Variants in NPHP4 observed in about 807,000 individuals in gnomAD.
NPHP4 encodes the protein nephrocystin-4.
In NPHP4, 151 loss-of-function variants were observed where a neutral mutation model predicts 155.8. The observed-to-expected ratio is 0.97, with a 90% CI of 0.85 to 1.11. The LOEUF (loss-of-function observed/expected upper bound fraction) is 1.11, where lower values mean the gene tolerates loss of function less well. Ranked by LOEUF, NPHP4 falls within the 50% of genes least tolerant of loss-of-function variation. The probability of loss-of-function intolerance (pLI) is 0.00; values close to 1 mark genes in which losing one functional copy is unlikely to be tolerated. For missense variants in NPHP4, 1,956 were observed against 1,925.7 expected (o/e 1.02, Z -0.29); for synonymous variants, 845 against 816.8 (o/e 1.03, Z -0.59).
chr1:5,975,925 G>A (rs556297650), intron 3 of NPHP4, among the ~76,000 whole-genome samples: 14 of 152,158 alleles, frequency 9.2e-5, no homozygotes, highest in South Asian at 2.1e-4. Context: ...GGAAGCCCCC[G>A]CTTCTGGCCT....
intron 26 of NPHP4, chr1:5,866,072 A>C: frequency 2.3e-6 from 1 of 444,108 alleles, no homozygotes; most frequent in African/African-American, 2.0e-5. Flanking sequence ...AGAAAAAGGT[A>C]ATGAGGGGCT....
chr1:5,912,453 G>T (rs1331398256), intron 11 of NPHP4, among the ~76,000 whole-genome samples: 1 of 151,502 alleles, frequency 6.6e-6, no homozygotes, highest in Non-Finnish European at 1.5e-5. Flanking sequence ...CAGGAGAATG[G>T]CGTGAACCCG....
intron 16 of NPHP4, among the ~76,000 whole-genome samples, chr1:5,900,630 T>C (rs1216921010): frequency 2.0e-5 from 3 of 152,216 alleles, no homozygotes; most frequent in African/African-American, 7.2e-5. Flanking sequence ...GGATCCATGA[T>C]GTCATGTATT....
At chr1:5,872,734 T>A (rs1642131455) in intron 23 of NPHP4, among the ~76,000 whole-genome samples, 1 of 152,226 alleles carries the variant, frequency 6.6e-6, no homozygotes, top group Non-Finnish European at 1.5e-5. Context: ...AAAAGGCATG[T>A]TTCTACCGAA....
At chr1:5,868,742 C>A (rs998823698) in intron 23 of NPHP4, among the ~76,000 whole-genome samples, 5 of 101,330 alleles carry the variant, frequency 4.9e-5, no homozygotes, top group African/African-American at 1.5e-4. Context: ...CATGCATGCA[C>A]CCACACATGT....
At chr1:5,887,011 A>G (rs896374751) in intron 18 of NPHP4, 4 of 429,728 alleles carry the variant, frequency 9.3e-6, no homozygotes, top group East Asian at 3.8e-5. Flanking sequence ...TGTCCCGGAG[A>G]TCCTCCAGGG....
In NPHP4 at chr1:5,892,280, G is replaced by A. The variant is rs112186444; in HGVS notation, c.2144-1252C>T. 3.3e-3 allele frequency among the ~76,000 whole-genome samples: 498 copies of A among 152,240 alleles called. 3 individuals carry two copies. The highest frequency in any genetic ancestry group is 0.011 in the African/African-American group (465 of 41,538). On this transcript the variant is annotated intron_variant, in intron 16 of 29. Coordinates refer to ENST00000378156, the MANE Select transcript of NPHP4 (RefSeq NM_015102.5). This position sits in a 1 kb window ranked among gnomAD's most constrained non-coding sequence, Gnocchi z 4.5. ...CGGGATCATCCCACTGGGGCTTGTCGGACAGTGGGTGAGAGTTGGGAGGCT... is the reference window on the plus strand; with the variant it reads ...CGGGATCATCCCACTGGGGCTTGTCAGACAGTGGGTGAGAGTTGGGAGGCT...
intron 11 of NPHP4, among the ~76,000 whole-genome samples, chr1:5,918,023 T>G (rs917178476): frequency 5.3e-5 from 8 of 152,056 alleles, no homozygotes; most frequent in African/African-American, 1.9e-4. Flanking sequence ...GAGTGAGAAA[T>G]AAACCTTTTT....
At chr1:5,895,898 G>A (rs564125411) in intron 16 of NPHP4, among the ~76,000 whole-genome samples, 3 of 152,326 alleles carry the variant, frequency 2.0e-5, no homozygotes, top group South Asian at 2.1e-4. Flanking sequence ...AGAGCATGAC[G>A]CAGCTACCGT....
At position 5,890,305 on chromosome 1, in the gene NPHP4, G is replaced by A. The variant is rs1162673863; in HGVS notation, c.2304+563C>T. 1.3e-5 allele frequency among the ~76,000 whole-genome samples: 2 copies of A among 152,178 alleles called. No homozygotes were observed. Among genetic ancestry groups the A allele is most frequent in the Admixed American group, 1.3e-4 (2 of 15,282 alleles). On this transcript the variant is annotated intron_variant, in intron 17 of 29. Coordinates refer to ENST00000378156, the MANE Select transcript of NPHP4 (RefSeq NM_015102.5). The surrounding 1 kb of genome is among the most constrained non-coding windows in gnomAD (Gnocchi z 4.9). ...AGTCCTTGGCCCAAGAGTTGTCATG[G>A]GGTCCCCTTCATACAATGGAGAAGG...
chr1:5,950,442 C>G (rs1293780691), intron 7 of NPHP4, among the ~76,000 whole-genome samples: 1 of 152,214 alleles, frequency 6.6e-6, no homozygotes, highest in African/African-American at 2.4e-5. Flanking sequence ...CCACCAAACC[C>G]TCATGGTAAA....
At chr1:5,870,317 A>C (rs1476453037) in intron 23 of NPHP4, among the ~76,000 whole-genome samples, 2 of 152,232 alleles carry the variant, frequency 1.3e-5, no homozygotes, top group Non-Finnish European at 2.9e-5. Flanking sequence ...CAACAAAATA[A>C]ATAATGATAG....
At chr1:5,897,850 C>T (rs1268912361) in intron 16 of NPHP4, among the ~76,000 whole-genome samples, 1 of 152,184 alleles carries the variant, frequency 6.6e-6, no homozygotes, top group African/African-American at 2.4e-5. Flanking sequence ...ATGCACGTTG[C>T]TTATTTAGAG....
chr1:5,947,245 C>T lies in NPHP4; in HGVS notation c.993-15G>A. ...GGCTCCCGGAGCTGGGTCAGAAACACAAACCAGGGACACATTAGAGCTCGA... is the reference window on the plus strand; with the variant it reads ...GGCTCCCGGAGCTGGGTCAGAAACATAAACCAGGGACACATTAGAGCTCGA... On this transcript the variant is annotated splice_polypyrimidine_tract_variant and intron_variant, in intron 8 of 29. Transcript: ENST00000378156. 1 of 1,613,254 alleles carries T rather than the reference C, an allele frequency of 6.2e-7. No individual in the cohort carries two copies. The highest frequency in any genetic ancestry group is 1.1e-5 in the South Asian group (1 of 91,032).
At chr1:5,918,754 A>AT (rs1408486600) in intron 11 of NPHP4, among the ~76,000 whole-genome samples, 2 of 152,066 alleles carry the variant, frequency 1.3e-5, no homozygotes, top group Admixed American at 6.5e-5. Flanking sequence ...GAAATTGGCC[A>AT]TTTTTTTTAG....
At chr1:5,935,807 G>A (rs1646508548) in intron 9 of NPHP4, among the ~76,000 whole-genome samples, 2 of 152,096 alleles carry the variant, frequency 1.3e-5, no homozygotes, top group Admixed American at 6.5e-5. Flanking sequence ...CCTAGAAGGT[G>A]GAGGTTGCAG....
At chr1:5,943,346 T>G (rs1034127432) in intron 9 of NPHP4, among the ~76,000 whole-genome samples, 1 of 152,198 alleles carries the variant, frequency 6.6e-6, no homozygotes, top group Non-Finnish European at 1.5e-5. Context: ...CAGACTCCAG[T>G]GCCTGGGTGT....
At chr1:5,885,491 A>G (rs149403797) in intron 18 of NPHP4, among the ~76,000 whole-genome samples, 445 of 152,374 alleles carry the variant, frequency 2.9e-3, no homozygotes, top group Admixed American at 5.6e-3. Flanking sequence ...AGACAGTGCA[A>G]AAGAGGCTGC....
chr1:5,967,466 A>G, intron 4 of NPHP4, 103 bp from the exon 5 acceptor site: 2 of 853,850 alleles, frequency 2.3e-6, no homozygotes, highest in Non-Finnish European at 3.9e-6. Flanking sequence ...AGAGCTTTCT[A>G]AACTCCACCA....
Sources: gnomAD v4.1 joint callset for allele counts (sites outside exome capture counted in the v4.1 genomes callset) on GRCh38, gnomAD v4.1.1 for gene constraint, Gnocchi (gnomAD v3.1) non-coding constraint, MANE v1.5 for transcripts, NCBI Gene and HGNC (gene_info 2026-07-23, HGNC 2026-07-21) for gene names.